The following ROGDI variants were observed in gnomAD, a reference collection of about 807,000 sequenced individuals.
ROGDI encodes the protein protein rogdi homolog.
A neutral mutation model predicts 43.1 loss-of-function variants in ROGDI; 46 were observed. That is an observed-to-expected ratio of 1.07 (90% CI 0.84 to 1.37). ROGDI has a LOEUF of 1.37. ROGDI is among the 40% of genes most tolerant of loss of function. ROGDI has a pLI of 0.00. For missense variants in ROGDI, 518 were observed against 383.9 expected (o/e 1.35, Z -2.92); for synonymous variants, 243 against 162.0 (o/e 1.50, Z -3.80).
At chr16:4,797,658 G>T (rs1317860659) in intron 10 of ROGDI, 56 bp downstream of exon 10, 4 of 1,610,292 alleles carry the variant, frequency 2.5e-6, no homozygotes, top group Non-Finnish European at 3.4e-6. Context: ...CTCTGAGGGT[G>T]TGGCAAGGAC....
chr16:4,799,839 G>C, intron 5 of ROGDI, 58 bp from the exon 6 acceptor site: 1 of 1,264,410 alleles, frequency 7.9e-7, no homozygotes, highest in Middle Eastern at 1.9e-4. Flanking sequence ...CAGGAGGGGA[G>C]AGTGGGTGCT....
chr16:4,798,718 T>C, intron 6 of ROGDI, 51 bp from the exon 7 acceptor site: 1 of 1,419,534 alleles, frequency 7.0e-7, no homozygotes, highest in Non-Finnish European at 9.6e-7. Flanking sequence ...CCCCATGCAT[T>C]AAGGAACAAC....
chr16:4,802,504 G>A, intron 1 of ROGDI, 23 bp downstream of exon 1: 2 of 1,206,104 alleles, frequency 1.7e-6, no homozygotes, highest in Non-Finnish European at 2.1e-6. Context: ...CCGCCGGCCC[G>A]CCCGCTGGCC....
chr16:4,798,860 CTAA>C, intron 6 of ROGDI, 193 bp from the exon 7 acceptor site: 1 of 588,218 alleles, frequency 1.7e-6, no homozygotes, highest in Non-Finnish European at 3.0e-6. Context: ...GATGTCTGCA[CTAA>C]TGTCAGTCGG....
chr16:4,801,352 T>C (rs760810149), intron 3 of ROGDI, 31 bp from the exon 4 acceptor site: 15 of 1,594,158 alleles, frequency 9.4e-6, no homozygotes, highest in Non-Finnish European at 1.3e-5. Context: ...GCGGTGCCTG[T>C]GGTCACCCCC....
At chr16:4,802,080 G>T (rs1199285425) in intron 2 of ROGDI, 1 of 624,640 alleles carries the variant, frequency 1.6e-6, no homozygotes, top group South Asian at 1.5e-5. Flanking sequence ...CACACTGCCA[G>T]GCAGAGGCAG....
At chr16:4,800,068 G>T (rs2082697711) in intron 5 of ROGDI, among the ~76,000 whole-genome samples, 1 of 152,182 alleles carries the variant, frequency 6.6e-6, no homozygotes, top group South Asian at 2.1e-4. Context: ...GACAAGGCAG[G>T]GGCAAGGGTG....
At chr16:4,802,360 G>T in intron 2 of ROGDI, 22 bp downstream of exon 2, 1 of 1,551,398 alleles carries the variant, frequency 6.4e-7, no homozygotes. Flanking sequence ...CACGCCCGGC[G>T]GGGCAGGGCG....
intron 2 of ROGDI, 145 bp from the exon 3 acceptor site, chr16:4,801,730 G>C (rs1367448164): frequency 6.9e-6 from 5 of 719,470 alleles, no homozygotes; most frequent in South Asian, 3.4e-5. Flanking sequence ...GGGGTGGGAA[G>C]ACCCTGCCCA....
intron 4 of ROGDI, 183 bp from the exon 5 acceptor site, chr16:4,800,761 G>C: frequency 1.7e-6 from 1 of 591,338 alleles, no homozygotes; most frequent in Non-Finnish European, 3.0e-6. Context: ...TCAGGAAACA[G>C]GAAACCAGGC....
At position 4,797,528 on chromosome 16, in the gene ROGDI, T is replaced by G. The variant is rs2082665247; in HGVS notation, c.823-27A>C. The G allele has an allele frequency of 4.4e-6, 7 of 1,609,058 alleles. No individual in the cohort carries two copies. In the East Asian group the frequency reaches 1.6e-4, roughly 36 times the overall value. On this transcript the variant is annotated intron_variant, in intron 10 of 10. Coordinates refer to ENST00000322048, the MANE Select transcript of ROGDI (RefSeq NM_024589.3). The stretch of plus-strand genomic sequence containing the variant: ...TGCAAGGGGAGAGGGTGCTGTAGGT[T>G]GCTGAAGGGGGATGGGGTAGCCCAG...
At chr16:4,799,851 C>T in intron 5 of ROGDI, 70 bp from the exon 6 acceptor site, 5 of 1,074,918 alleles carry the variant, frequency 4.7e-6, no homozygotes, top group African/African-American at 1.6e-5. Context: ...GTGGGTGCTG[C>T]CTGCCTGCCC....
chr16:4,798,813 A>T, intron 6 of ROGDI, 146 bp from the exon 7 acceptor site: 1 of 659,588 alleles, frequency 1.5e-6, no homozygotes, highest in Middle Eastern at 2.4e-4. Flanking sequence ...TGTTAAAGAC[A>T]GGTAGTTGGG....
rs374259109 is a variant in ROGDI, at chr16:4,797,509, G to C, written c.823-8C>G. ...GCTGGAGAACACGGAGATCTGCAAG[G>C]GGAGAGGGTGCTGTAGGTTGCTGAA... is the stretch of plus-strand genomic sequence containing the variant. On this transcript the variant is annotated splice_region_variant and splice_polypyrimidine_tract_variant and intron_variant, in intron 10 of 10. Transcript: ENST00000322048. 1 of 1,549,632 alleles carries C rather than the reference G, an allele frequency of 6.5e-7. No individual in the cohort carries two copies. The highest frequency in any genetic ancestry group is 1.2e-5 in the South Asian group (1 of 86,354).
At chr16:4,802,169 C>G (rs1015438243) in intron 2 of ROGDI, 5 of 651,616 alleles carry the variant, frequency 7.7e-6, no homozygotes, top group African/African-American at 1.8e-5. Context: ...GACTCAGGCC[C>G]TTGCTAGCAC....
intron 6 of ROGDI, among the ~76,000 whole-genome samples, chr16:4,799,469 G>A (rs958852041): frequency 1.3e-5 from 2 of 152,104 alleles, no homozygotes; most frequent in African/African-American, 4.8e-5. Flanking sequence ...GGTGTGTGCC[G>A]AGTGCTTACT....
chr16:4,798,110 C>A lies in ROGDI; in HGVS notation c.606G>T (p.Thr202=), dbSNP rs769081433. The A allele has an allele frequency of 6.2e-7, 1 of 1,613,960 alleles. No individual in the cohort carries two copies. Among genetic ancestry groups the A allele is most frequent in the Non-Finnish European group, 8.5e-7 (1 of 1,179,942 alleles). ...GCTGCAGGGCATGCAGCTGGTACAC[C>A]GTGAGGCAGAGCTTGTTGAGGTTGA... is the stretch of plus-strand genomic sequence containing the variant. ...VYINLNKLCL[T]VYQLHALQPN... is the part of the protein sequence containing the mutation. Residue 202 remains threonine, a synonymous_variant, in exon 8 of 11, where the codon ACG becomes ACT. Transcript: ENST00000322048.
Position 4,798,677 on chromosome 16 carries a change from G to A in ROGDI, c.433-10C>T, listed in dbSNP as rs759326935. 1.9e-6 allele frequency: 3 copies of A among 1,551,886 alleles called. No homozygotes were observed. The highest frequency in any genetic ancestry group is 1.3e-5 in the African/African-American group (1 of 74,162). On this transcript the variant is annotated splice_polypyrimidine_tract_variant and intron_variant, in intron 6 of 10. Transcript: ENST00000322048. The stretch of plus-strand genomic sequence containing the variant: ...TCACTGCGTCCATCAGCTGCAGGGA[G>A]AGGCGGGGTTGGCTCTGCGTCCTCC...
chr16:4,797,081 C>T lies in ROGDI; in HGVS notation c.*379G>A, dbSNP rs1481536789. ...TCTGTCTGTGGCGTTCCTCACCATC[C>T]CCGGGACTCATAGCTCAGTGCCACC... On this transcript the variant is annotated 3_prime_UTR_variant, in exon 11 of 11. Coordinates refer to ENST00000322048, the MANE Select transcript of ROGDI (RefSeq NM_024589.3). 1 of 246,208 alleles carries T rather than the reference C, an allele frequency of 4.1e-6. No homozygotes were observed. Among genetic ancestry groups the T allele is most frequent in the Non-Finnish European group, 8.0e-6 (1 of 125,100 alleles). 15.3% of individuals were successfully genotyped at this position (246,208 alleles called of 1,614,324 possible). A position where few individuals can be genotyped will look rare whatever the true frequency, so the allele number is the denominator to read the frequency against.
Sources: allele counts gnomAD v4.1 joint callset (sites outside exome capture counted in the v4.1 genomes callset), GRCh38; gene constraint gnomAD v4.1.1; transcripts MANE v1.5; gene names NCBI Gene and HGNC (gene_info 2026-07-23, HGNC 2026-07-21).